KLHL29: variants seen among roughly 807,000 people sequenced by gnomAD.
KLHL29 encodes kelch like family member 29, also known as kelch-like protein 29.
KLHL29 carries 21 observed loss-of-function variants against 80.4 expected under a neutral mutation model. The observed-to-expected ratio is 0.26, with a 90% CI of 0.19 to 0.38. KLHL29 has a LOEUF of 0.38. KLHL29 is among the 10% of genes least tolerant of loss of function. The pLI, the probability that KLHL29 is intolerant of heterozygous loss-of-function variation, is 1.00. For synonymous variants in KLHL29, 511 were observed against 526.8 expected (o/e 0.97, Z 0.41); for missense variants, 867 against 1,223.9 (o/e 0.71, Z 4.35).
At chr2:23,619,918 T>C (rs1314090154) in intron 3 of KLHL29, among the ~76,000 whole-genome samples, 1 of 152,168 alleles carries the variant, frequency 6.6e-6, no homozygotes, top group African/African-American at 2.4e-5. Flanking sequence ...AAGTATGGGG[T>C]TGAGCAAATA....
Position 23,440,566 on chromosome 2 carries a change from C to T in KLHL29, c.-153-34994C>T, listed in dbSNP as rs546886491. Among the ~76,000 whole-genome samples, 19 of 152,168 alleles carry T rather than the reference C, an allele frequency of 1.2e-4. No homozygotes were observed. The South Asian group carries it at 4.0e-3, about 32-fold the overall frequency. ...AACCTACAAAATGGGAGAAAATTTT[C>T]ACAACCTACTCATCTGACAAAGGGC... On this transcript the variant is annotated intron_variant, in intron 1 of 13. Coordinates refer to ENST00000486442, the MANE Select transcript of KLHL29 (RefSeq NM_052920.2).
chr2:23,545,967 C>T (rs1207838039), intron 2 of KLHL29, among the ~76,000 whole-genome samples: 7 of 152,174 alleles, frequency 4.6e-5, no homozygotes, highest in African/African-American at 4.8e-5. Context: ...CTCTGTGTGC[C>T]GCTGCAGGGC....
At position 23,707,746 on chromosome 2, in the gene KLHL29, G is replaced by T. The variant is rs1051356221; in HGVS notation, c.*1082G>T. 4 of 152,320 alleles carry T rather than the reference G, an allele frequency of 2.6e-5. No individual in the cohort carries two copies. The highest frequency in any genetic ancestry group is 7.2e-5 in the African/African-American group (3 of 41,568). 9.4% of individuals were successfully genotyped at this position (152,320 alleles called of 1,614,324 possible). A position where few individuals can be genotyped will look rare whatever the true frequency, so the allele number is the denominator to read the frequency against. ...CTATAAAGCACAGGAGACTATTTTTGATATTCATAGCTATATATTAAGGCA... is the reference window on the plus strand; with the variant it reads ...CTATAAAGCACAGGAGACTATTTTTTATATTCATAGCTATATATTAAGGCA... On this transcript the variant is annotated 3_prime_UTR_variant, in exon 14 of 14. Transcript: ENST00000486442.
At chr2:23,484,732 A>G (rs114444312) in intron 2 of KLHL29, among the ~76,000 whole-genome samples, 217 of 152,326 alleles carry the variant, frequency 1.4e-3, no homozygotes, top group African/African-American at 5.0e-3. Context: ...GTGCTCTGCC[A>G]TCTTGCGCAG....
intron 1 of KLHL29, among the ~76,000 whole-genome samples, chr2:23,398,838 C>CT (rs1163376806): frequency 6.6e-6 from 1 of 151,798 alleles, no homozygotes; most frequent in Non-Finnish European, 1.5e-5. Flanking sequence ...CATAATGACA[C>CT]TGGTGGCAAG....
chr2:23,617,063 G>C (rs113921548), intron 3 of KLHL29: 1 of 152,324 alleles, frequency 6.6e-6, no homozygotes, highest in East Asian at 1.9e-4. Context: ...TTTACCAAAG[G>C]TAAATGAAAC....
chr2:23,650,888 G>T (rs191741741), intron 5 of KLHL29, among the ~76,000 whole-genome samples: 5 of 152,268 alleles, frequency 3.3e-5, no homozygotes, highest in South Asian at 4.1e-4. Context: ...AGGCCATGGC[G>T]TGGTATGTGT....
intron 2 of KLHL29, among the ~76,000 whole-genome samples, chr2:23,531,831 A>G (rs534155970): frequency 6.6e-6 from 1 of 152,292 alleles, no homozygotes; most frequent in South Asian, 2.1e-4. Context: ...ATGTGCTCCC[A>G]TCTGTTCCTC....
chr2:23,387,443 A>G (rs1317700350), intron 1 of KLHL29, among the ~76,000 whole-genome samples: 2 of 152,074 alleles, frequency 1.3e-5, no homozygotes, highest in Non-Finnish European at 2.9e-5. Context: ...GGGAGGGCAG[A>G]TTTGAGGAAT....
chr2:23,583,765 G>A (rs1018935357), intron 3 of KLHL29, among the ~76,000 whole-genome samples: 1 of 152,228 alleles, frequency 6.6e-6, no homozygotes, highest in Non-Finnish European at 1.5e-5. Context: ...GACTCAGAGA[G>A]CATCAGGGAA....
chr2:23,522,761 C>T (rs1666144304), intron 2 of KLHL29, among the ~76,000 whole-genome samples: 1 of 152,130 alleles, frequency 6.6e-6, no homozygotes, highest in Non-Finnish European at 1.5e-5. Context: ...AGCTTTTATT[C>T]CTGACTCCAG....
chr2:23,557,604 G>A (rs568162084), intron 2 of KLHL29, among the ~76,000 whole-genome samples: 12 of 152,216 alleles, frequency 7.9e-5, no homozygotes, highest in South Asian at 2.1e-4. Flanking sequence ...ACTGTAAGGC[G>A]CGGGCATGGC....
At chr2:23,694,503 A>G (rs1217436620) in intron 8 of KLHL29, among the ~76,000 whole-genome samples, 1 of 152,096 alleles carries the variant, frequency 6.6e-6, no homozygotes, top group Non-Finnish European at 1.5e-5. Context: ...CATCTCATCC[A>G]TCCACTCAAA....
At chr2:23,410,109 T>C (rs1666827413) in intron 1 of KLHL29, among the ~76,000 whole-genome samples, 1 of 152,212 alleles carries the variant, frequency 6.6e-6, no homozygotes, top group Non-Finnish European at 1.5e-5. Flanking sequence ...AGGGTTTGTC[T>C]AGCCGCATAA....
chr2:23,548,018 T>A (rs1667022327), intron 2 of KLHL29, among the ~76,000 whole-genome samples: 1 of 152,088 alleles, frequency 6.6e-6, no homozygotes, highest in Non-Finnish European at 1.5e-5. Context: ...TCACACACCC[T>A]GTCTTGGGAC....
intron 5 of KLHL29, among the ~76,000 whole-genome samples, chr2:23,655,354 G>A (rs1201118892): frequency 6.6e-6 from 1 of 152,150 alleles, no homozygotes; most frequent in Non-Finnish European, 1.5e-5. Context: ...AGTTGATGAG[G>A]CCTATTAATT....
intron 1 of KLHL29, among the ~76,000 whole-genome samples, chr2:23,466,086 G>GA (rs1224136428): frequency 1.2e-4 from 18 of 151,126 alleles, no homozygotes; most frequent in East Asian, 9.7e-4. Context: ...CTCTTTAAGG[G>GA]AAAAAAAAAT....
At chr2:23,587,334 C>T (rs540243842) in intron 3 of KLHL29, among the ~76,000 whole-genome samples, 34 of 151,214 alleles carry the variant, frequency 2.2e-4, no homozygotes, top group Non-Finnish European at 4.7e-4. Context: ...AGGAGGTGAG[C>T]GTGGTGGAGT....
intron 1 of KLHL29, among the ~76,000 whole-genome samples, chr2:23,449,305 T>C (rs1476802452): frequency 1.3e-5 from 2 of 152,248 alleles, no homozygotes; most frequent in Non-Finnish European, 2.9e-5. Flanking sequence ...ATCTAATGGC[T>C]ATTGACTGGT....
Sources: gnomAD v4.1 joint callset for allele counts (sites outside exome capture counted in the v4.1 genomes callset) on GRCh38, gnomAD v4.1.1 for gene constraint, MANE v1.5 for transcripts, NCBI Gene and HGNC (gene_info 2026-07-23, HGNC 2026-07-21) for gene names.